ZCCHC10: variants seen among roughly 807,000 people sequenced by gnomAD.
ZCCHC10 encodes the protein zinc finger CCHC-type containing 10, also known as zinc finger CCHC domain-containing protein 10.
A neutral mutation model predicts 19.5 loss-of-function variants in ZCCHC10; 16 were observed. The ratio of observed to expected loss-of-function variants is 0.82; its 90% CI spans 0.56 to 1.25. The LOEUF is 1.25. Among genes scored for constraint, ZCCHC10 ranks in the 50% most tolerant of loss-of-function variants. The pLI is 0.00. For synonymous variants in ZCCHC10, 67 were observed against 72.5 expected (o/e 0.92, Z 0.38); for missense variants, 197 against 201.0 (o/e 0.98, Z 0.12).
At chr5:133,011,638 A>AAC (rs1763537149) in intron 2 of ZCCHC10, among the ~76,000 whole-genome samples, 1 of 151,106 alleles carries the variant, frequency 6.6e-6, no homozygotes, top group African/African-American at 2.4e-5. Flanking sequence ...AAAAAAAAAA[A>AAC]AAAAAAAAAA....
chr5:133,020,659 A>T (rs908941754), intron 2 of ZCCHC10, among the ~76,000 whole-genome samples: 1 of 151,730 alleles, frequency 6.6e-6, no homozygotes, highest in Non-Finnish European at 1.5e-5. Context: ...AGAACTAATA[A>T]ATTAGTAAGG....
At position 133,014,516 on chromosome 5, in the gene ZCCHC10, G is replaced by A. The variant is rs140766064; in HGVS notation, c.108-7596C>T. Among the ~76,000 whole-genome samples, 6 of 152,230 alleles carry A rather than the reference G, an allele frequency of 3.9e-5. No homozygotes were observed. The East Asian group carries it at 5.8e-4, about 15-fold the overall frequency. On this transcript the variant is annotated intron_variant, in intron 2 of 4. Transcript: ENST00000509437. ...GTTGCATCAAATGTCTTAACGTCCC[G>A]TATAGCAAATTCAGTTCAGCACCAC...
intron 3 of ZCCHC10, among the ~76,000 whole-genome samples, chr5:133,004,051 G>A (rs531437142): frequency 2.0e-5 from 3 of 152,092 alleles, no homozygotes; most frequent in East Asian, 1.9e-4. Flanking sequence ...TCTAGTTTAT[G>A]TATCTATAAA....
chr5:133,006,940 A>G lies in ZCCHC10; in HGVS notation c.108-20T>C. 6.4e-7 allele frequency: 1 copy of G among 1,568,780 alleles called. No individual in the cohort carries two copies. Among genetic ancestry groups the G allele is most frequent in the Non-Finnish European group, 8.6e-7 (1 of 1,162,158 alleles). ...GCTTCACTACAGAACAAAAAACAGA[A>G]TACAAGCCTTAAAATTCTGTCTTGT... On this transcript the variant is annotated intron_variant, in intron 2 of 4. Coordinates refer to ENST00000509437, the MANE Select transcript of ZCCHC10 (RefSeq NM_001300816.3).
At chr5:133,007,580 C>T (rs1763207232) in intron 2 of ZCCHC10, among the ~76,000 whole-genome samples, 2 of 151,802 alleles carry the variant, frequency 1.3e-5, no homozygotes, top group African/African-American at 4.8e-5. Flanking sequence ...CAGGAGTTTC[C>T]CTGCACAGTC....
intron 2 of ZCCHC10, among the ~76,000 whole-genome samples, chr5:133,021,163 T>TG (rs1471077357): frequency 6.6e-6 from 1 of 151,832 alleles, no homozygotes; most frequent in Non-Finnish European, 1.5e-5. Flanking sequence ...CCCAAAGTGC[T>TG]GGATTACAGG....
intron 2 of ZCCHC10, chr5:133,019,110 G>A (rs1054131558): frequency 4.4e-6 from 2 of 450,264 alleles, no homozygotes; most frequent in Non-Finnish European, 8.9e-6. Context: ...GAGGCTGGAC[G>A]CAGTGGCTCA....
Position 133,022,898 on chromosome 5 carries a change from G to T in ZCCHC10, c.50C>A (p.Thr17Lys), listed in dbSNP as rs1764417393. The change falls in exon 2 of 5, where the codon ACA (threonine) becomes AAA (lysine). Residue 17 changes from threonine to lysine, a missense_variant. Transcript: ENST00000509437. ...AAAGGTCTTGACAGGCTGCAACTCT[G>T]TGTCGAATCTAACAAGATGAAATTT... ...RLIARRQAFD[T>K]ELQPVKTFWI... 5.0e-6 allele frequency: 3 copies of T among 597,226 alleles called. No homozygotes were observed. Among genetic ancestry groups the T allele is most frequent in the Non-Finnish European group, 5.9e-6 (2 of 337,584 alleles). 37.0% of individuals were successfully genotyped at this position (597,226 alleles called of 1,614,324 possible). A position where few individuals can be genotyped will look rare whatever the true frequency, so the allele number is the denominator to read the frequency against.
At position 133,026,501 on chromosome 5, in the gene ZCCHC10, G is replaced by A; in HGVS notation, c.37C>T (p.Gln13Ter). 6.2e-7 allele frequency: 1 copy of A among 1,613,748 alleles called. No individual in the cohort carries two copies. Among genetic ancestry groups the A allele is most frequent in the Non-Finnish European group, 8.5e-7 (1 of 1,179,932 alleles). Reference protein sequence around the residue: ...TPMHRLIARRQAFDTELQPVK... With the variant: ...TPMHRLIARR Reference sequence around the variant, plus strand: ...CCGAACCGGATCCTTACTTACGCTTGTCTCCGGGCTATTAGCCGATGCATG... The same window carrying A: ...CCGAACCGGATCCTTACTTACGCTTATCTCCGGGCTATTAGCCGATGCATG... Residue 13 changes from glutamine (Q) to a stop codon, truncating the protein, a stop_gained, in exon 1 of 5, where the codon CAA becomes TAA. Transcript: ENST00000509437. LOFTEE classifies it high-confidence loss of function.
chr5:133,019,214 A>AG (rs1318873432), intron 2 of ZCCHC10: 1 of 327,938 alleles, frequency 3.0e-6, no homozygotes, highest in Non-Finnish European at 6.0e-6. Context: ...CTAAAAAAAA[A>AG]AAACAGAGAG....
intron 3 of ZCCHC10, among the ~76,000 whole-genome samples, chr5:133,004,089 C>T (rs1434742336): frequency 6.6e-6 from 1 of 151,992 alleles, no homozygotes; most frequent in Non-Finnish European, 1.5e-5. Flanking sequence ...TAGAATGTGA[C>T]CAGGTTTGGC....
intron 1 of ZCCHC10, among the ~76,000 whole-genome samples, chr5:133,024,018 T>C (rs1764506499): frequency 6.6e-6 from 1 of 152,196 alleles, no homozygotes; most frequent in South Asian, 2.1e-4. Flanking sequence ...ACCACAACAC[T>C]TTTTATAATA....
intron 3 of ZCCHC10, among the ~76,000 whole-genome samples, 175 bp downstream of exon 3, chr5:133,006,584 A>G (rs1424141435): frequency 2.0e-5 from 3 of 149,500 alleles, no homozygotes; most frequent in African/African-American, 7.4e-5. Context: ...TCAGGTTTAA[A>G]TAAGCTAATA....
intron 2 of ZCCHC10, among the ~76,000 whole-genome samples, chr5:133,018,438 C>T (rs530315056): frequency 8.6e-5 from 13 of 151,906 alleles, no homozygotes; most frequent in East Asian, 1.9e-4. Flanking sequence ...CTTCCTCTGT[C>T]GTCCAGGCTG....
chr5:133,022,875 A>G lies in ZCCHC10; in HGVS notation c.73T>C (p.Phe25Leu). Reference sequence around the variant, plus strand: ...ATGGATGGCTGAATCAGGATCCAAAAGGTCTTGACAGGCTGCAACTCTGTG... The same window carrying G: ...ATGGATGGCTGAATCAGGATCCAAAGGGTCTTGACAGGCTGCAACTCTGTG... ...FDTELQPVKT[F>L]WILIQPSIVI... The change falls in exon 2 of 5, where the codon TTT (phenylalanine) becomes CTT (leucine). Residue 25 changes from phenylalanine (F) to leucine (L), a missense_variant. Transcript: ENST00000509437. The G allele has an allele frequency of 3.3e-6, 2 of 614,296 alleles. No homozygotes were observed. Among genetic ancestry groups the G allele is most frequent in the South Asian group, 1.9e-5 (1 of 52,420 alleles). The allele number at this position is 614,296 out of a possible 1,614,324, so 38.1% of individuals were successfully genotyped here. A position where few individuals can be genotyped will look rare whatever the true frequency, so the allele number is the denominator to read the frequency against.
intron 1 of ZCCHC10, among the ~76,000 whole-genome samples, chr5:133,025,883 T>C (rs927221414): frequency 6.6e-6 from 1 of 152,204 alleles, no homozygotes; most frequent in Non-Finnish European, 1.5e-5. Flanking sequence ...TTTCCATCAC[T>C]AGAATGTAAG....
Position 133,006,821 on chromosome 5 carries a change from T to G in ZCCHC10, c.207A>C (p.Ser69=). 1 of 1,612,226 alleles carries G rather than the reference T, an allele frequency of 6.2e-7. No homozygotes were observed. Among genetic ancestry groups the G allele is most frequent in the Non-Finnish European group, 8.5e-7 (1 of 1,179,576 alleles). Residue 69 remains serine, a synonymous_variant, in exon 3 of 5, where the codon TCA becomes TCC. Coordinates refer to ENST00000509437, the MANE Select transcript of ZCCHC10 (RefSeq NM_001300816.3). The part of the protein sequence containing the change: ...TGKRKYLHRP[S]RTAELKKALK... ...AAGCTTTCTTTAGTTCTGCTGTCCT[T>G]GAGGGCCTATGTAGGTATTTTCTTT...
chr5:133,011,623 C>CT (rs1763532683), intron 2 of ZCCHC10, among the ~76,000 whole-genome samples: 1 of 52,980 alleles, frequency 1.9e-5, no homozygotes, highest in Admixed American at 2.0e-4. Flanking sequence ...GAGACTCCAT[C>CT]TAAAAAAAAA....
chr5:133,000,996 C>T (rs1228094289), intron 3 of ZCCHC10, among the ~76,000 whole-genome samples: 1 of 152,020 alleles, frequency 6.6e-6, no homozygotes, highest in Non-Finnish European at 1.5e-5. Context: ...TATGCTCACT[C>T]ACATTAGTTA....
Sources: gnomAD v4.1 joint callset for allele counts (sites outside exome capture counted in the v4.1 genomes callset) on GRCh38, gnomAD v4.1.1 for gene constraint, MANE v1.5 for transcripts, NCBI Gene and HGNC (gene_info 2026-07-23, HGNC 2026-07-21) for gene names.